Variants in RNF217 observed in about 807,000 individuals in gnomAD.
The protein encoded by RNF217 is ring finger protein 217.
In RNF217, 31 loss-of-function variants were observed where a neutral mutation model predicts 57.8. The observed-to-expected ratio is 0.54, with a 90% confidence interval of 0.40 to 0.72. The LOEUF is 0.72. RNF217 is among the 30% of genes least tolerant of loss of function. The pLI is 0.00. For synonymous variants in RNF217, 313 were observed against 294.0 expected, an observed-to-expected ratio of 1.06 and a Z score of -0.66; for missense variants, 696 against 708.3, an observed-to-expected ratio of 0.98 and a Z score of 0.20.
intron 1 of RNF217, among the ~76,000 whole-genome samples, chr6:124,983,765 C>A (rs766392753): frequency 1.5e-4 from 23 of 152,118 alleles, no homozygotes; most frequent in Non-Finnish European, 2.4e-4. Context: ...AACTATAAGA[C>A]TCTTGGAAAA....
rs186668537 is a variant in RNF217, at chr6:125,062,738, G to A, written c.1281+4632G>A. On this transcript the variant is annotated intron_variant, in intron 3 of 5. Coordinates refer to ENST00000521654, the MANE Select transcript of RNF217 (RefSeq NM_001286398.3). The stretch of plus-strand genomic sequence containing the variant: ...ATTACAGGTGCCCACCACCATGCCC[G>A]GCTAATTTTTGTATTTTTAGTAGAG... Among the ~76,000 whole-genome samples, 72 of 151,970 alleles carry A rather than the reference G, an allele frequency of 4.7e-4. No individual in the cohort carries two copies. The East Asian group carries it at 7.0e-3, about 15-fold the overall frequency.
intron 1 of RNF217, among the ~76,000 whole-genome samples, chr6:125,000,733 T>C (rs889097669): frequency 6.6e-6 from 1 of 152,108 alleles, no homozygotes; most frequent in Admixed American, 6.6e-5. Context: ...TAAGGAAGTT[T>C]TCCATATTCC....
intron 3 of RNF217, among the ~76,000 whole-genome samples, chr6:125,063,349 G>A (rs1328593146): frequency 2.0e-5 from 3 of 152,028 alleles, no homozygotes; most frequent in African/African-American, 7.2e-5. Context: ...TTATTCTAAG[G>A]TCAACATATT....
intron 1 of RNF217, among the ~76,000 whole-genome samples, chr6:125,039,970 G>A (rs1786807723): frequency 6.6e-6 from 1 of 152,136 alleles, no homozygotes; most frequent in Non-Finnish European, 1.5e-5. Context: ...GAAATTTAGA[G>A]CACTAAATGC....
intron 2 of RNF217, among the ~76,000 whole-genome samples, chr6:125,051,470 TTTAC>T (rs1438289255): frequency 6.6e-6 from 1 of 152,054 alleles, no homozygotes; most frequent in African/African-American, 2.4e-5. Flanking sequence ...CCTTTCCATA[TTTAC>T]TTACTTAGAT....
chr6:125,059,669 C>T (rs1787657993), intron 3 of RNF217, among the ~76,000 whole-genome samples: 1 of 152,186 alleles, frequency 6.6e-6, no homozygotes, highest in Non-Finnish European at 1.5e-5. Flanking sequence ...TTACTGTAAT[C>T]TCTTAACCCA....
At chr6:125,018,953 A>T (rs976379921) in intron 1 of RNF217, among the ~76,000 whole-genome samples, 8 of 152,204 alleles carry the variant, frequency 5.3e-5, no homozygotes, top group Non-Finnish European at 1.0e-4. Context: ...CAGCACTAAC[A>T]GCTGGACATA....
intron 1 of RNF217, among the ~76,000 whole-genome samples, chr6:125,037,151 T>C (rs1309875916): frequency 6.6e-6 from 1 of 151,876 alleles, no homozygotes; most frequent in Non-Finnish European, 1.5e-5. Flanking sequence ...CTCTTTTCTG[T>C]TCCATTGTTC....
chr6:125,025,666 T>G (rs9491280), intron 1 of RNF217, among the ~76,000 whole-genome samples: 84,165 of 133,180 alleles, frequency 0.63, 25,146 homozygotes, highest in African/African-American at 0.73. Flanking sequence ...AGGGAGGGAG[T>G]GAGGAAAGAA....
chr6:124,964,099 T>G (rs1783427922), intron 1 of RNF217, among the ~76,000 whole-genome samples: 1 of 152,238 alleles, frequency 6.6e-6, no homozygotes. Flanking sequence ...CCTCCTCTGC[T>G]TTTATTTGAA....
At position 125,090,721 on chromosome 6, in the gene RNF217, G is replaced by A. The variant is rs986707193; in HGVS notation, c.*7784G>A. 1 of 151,798 alleles carries A rather than the reference G, an allele frequency of 6.6e-6. No individual in the cohort carries two copies. Among genetic ancestry groups the A allele is most frequent in the Non-Finnish European group, 1.5e-5 (1 of 67,846 alleles). The allele number at this position is 151,798 out of a possible 1,614,324, so 9.4% of individuals were successfully genotyped here. A position where few individuals can be genotyped will look rare whatever the true frequency, so the allele number is the denominator to read the frequency against. On this transcript the variant is annotated 3_prime_UTR_variant, in exon 6 of 6. Coordinates refer to ENST00000521654, the MANE Select transcript of RNF217 (RefSeq NM_001286398.3). ...TTTTTAGTTTTCTATAAAATTTGCA[G>A]CCATTTTCCAAATAAAGTAAGTTAT...
intron 3 of RNF217, among the ~76,000 whole-genome samples, chr6:125,060,615 T>C (rs1201486715): frequency 3.3e-5 from 5 of 152,074 alleles, no homozygotes; most frequent in African/African-American, 1.2e-4. Context: ...TGAGTAATTT[T>C]TGTTTCTTCA....
At chr6:125,007,062 A>G (rs28625936) in intron 1 of RNF217, among the ~76,000 whole-genome samples, 37,577 of 151,964 alleles carry the variant, frequency 0.25, 4,849 homozygotes, top group African/African-American at 0.32. Context: ...CTAGACAATT[A>G]ATTCTGAGAT....
rs148705922 is a variant in RNF217, at chr6:125,037,965, G to C, written c.883-7246G>C. Among the ~76,000 whole-genome samples, 5 of 152,212 alleles carry C rather than the reference G, an allele frequency of 3.3e-5. No individual in the cohort carries two copies. In the East Asian group the frequency reaches 9.7e-4, roughly 29 times the overall value. ...AATTGAGCAATGAGGCCTGAGATTT[G>C]TACTTTTTCCCGTCCTTTTCTTTGG... is the stretch of plus-strand genomic sequence containing the variant. On this transcript the variant is annotated intron_variant, in intron 1 of 5. Coordinates refer to ENST00000521654, the MANE Select transcript of RNF217 (RefSeq NM_001286398.3).
intron 1 of RNF217, among the ~76,000 whole-genome samples, chr6:124,974,985 CTCAGGT>C (rs1188242538): frequency 6.6e-6 from 1 of 152,240 alleles, no homozygotes; most frequent in Non-Finnish European, 1.5e-5. Flanking sequence ...TGCCCCCTGG[CTCAGGT>C]AACTAAATTC....
chr6:125,075,183 T>C (rs1392552382), intron 3 of RNF217, among the ~76,000 whole-genome samples: 1 of 152,196 alleles, frequency 6.6e-6, no homozygotes, highest in Non-Finnish European at 1.5e-5. Flanking sequence ...CTATCATTAG[T>C]GTTAGTGTGT....
intron 2 of RNF217, chr6:125,048,059 A>G (rs899729739): frequency 2.2e-6 from 1 of 463,312 alleles, no homozygotes; most frequent in African/African-American, 2.1e-5. Flanking sequence ...TTTTAGTGTA[A>G]AGTTTATATA....
chr6:125,060,075 T>A (rs923834581), intron 3 of RNF217, among the ~76,000 whole-genome samples: 3 of 152,158 alleles, frequency 2.0e-5, no homozygotes, highest in Non-Finnish European at 4.4e-5. Context: ...AAATTATGTT[T>A]TGCCCCATGG....
intron 1 of RNF217, among the ~76,000 whole-genome samples, chr6:124,969,898 G>A (rs1050904184): frequency 3.0e-4 from 46 of 151,480 alleles, no homozygotes; most frequent in Non-Finnish European, 3.8e-4. Context: ...TATGTTTTAC[G>A]AAGGGATTTT....
Sources: gnomAD v4.1 joint callset for allele counts (sites outside exome capture counted in the v4.1 genomes callset) on GRCh38, gnomAD v4.1.1 for gene constraint, MANE v1.5 for transcripts, NCBI Gene and HGNC (gene_info 2026-07-23, HGNC 2026-07-21) for gene names.